Variants in WNK2 observed in about 807,000 individuals in gnomAD.
The protein encoded by WNK2 is WNK lysine deficient protein kinase 2.
A neutral mutation model predicts 192.1 loss-of-function variants in WNK2; 67 were observed. That is an observed-to-expected ratio of 0.35 (90% CI 0.29 to 0.43). The LOEUF is 0.43. Ranked by LOEUF, WNK2 falls within the 20% of genes least tolerant of loss-of-function variation. The pLI is 1.00. For missense variants in WNK2, 2,698 were observed against 3,089.7 expected, an observed-to-expected ratio of 0.87 and a Z score of 3.01; for synonymous variants, 1,439 against 1,393.9, an observed-to-expected ratio of 1.03 and a Z score of -0.72.
chr9:93,232,312 G>A (rs34795796), intron 4 of WNK2, among the ~76,000 whole-genome samples: 24,442 of 152,136 alleles, frequency 0.16, 2,183 homozygotes, highest in East Asian at 0.26. Context: ...GGCATTCTGG[G>A]GGAGCTGAGT....
chr9:93,191,251 T>G (rs917532272), intron 2 of WNK2, among the ~76,000 whole-genome samples: 1 of 152,064 alleles, frequency 6.6e-6, no homozygotes, highest in African/African-American at 2.4e-5. Context: ...GCTTTATTGA[T>G]GGACAGCTAG....
At chr9:93,279,883 A>G (rs986301675) in intron 19 of WNK2, among the ~76,000 whole-genome samples, 7 of 152,206 alleles carry the variant, frequency 4.6e-5, no homozygotes, top group African/African-American at 1.7e-4. Flanking sequence ...TTCATACTGC[A>G]TACTATATAC....
intron 23 of WNK2, among the ~76,000 whole-genome samples, chr9:93,295,501 CAG>C (rs1327091488): frequency 6.6e-6 from 1 of 151,904 alleles, no homozygotes; most frequent in Non-Finnish European, 1.5e-5. Context: ...GGAGTAAAAT[CAG>C]AACTTGCTTC....
intron 11 of WNK2, among the ~76,000 whole-genome samples, chr9:93,258,046 C>G (rs1843594916): frequency 6.6e-6 from 1 of 152,224 alleles, no homozygotes; most frequent in East Asian, 1.9e-4. Context: ...TGTGTTGTCT[C>G]ACCCTGCTCA....
At chr9:93,234,013 A>C (rs1290739545) in intron 4 of WNK2, among the ~76,000 whole-genome samples, 1 of 152,224 alleles carries the variant, frequency 6.6e-6, no homozygotes, top group Non-Finnish European at 1.5e-5. Flanking sequence ...TATAAGTAAA[A>C]TAAAAATCAG....
chr9:93,302,216 GC>G (rs1408125526), intron 26 of WNK2, among the ~76,000 whole-genome samples: 1 of 152,250 alleles, frequency 6.6e-6, no homozygotes, highest in Non-Finnish European at 1.5e-5. Flanking sequence ...GGTGGGCGCA[GC>G]CCTGTGAGCG....
At chr9:93,200,662 C>T (rs1209252298) in intron 2 of WNK2, among the ~76,000 whole-genome samples, 2 of 152,208 alleles carry the variant, frequency 1.3e-5, no homozygotes, top group African/African-American at 4.8e-5. Flanking sequence ...GAGCATGGCC[C>T]TGCTGCTCTT....
At chr9:93,300,356 G>A (rs1025115551) in intron 26 of WNK2, 1 of 530,268 alleles carries the variant, frequency 1.9e-6, no homozygotes, top group Non-Finnish European at 3.4e-6. Context: ...CCCACACAGC[G>A]TGTGTGCATG....
chr9:93,225,636 C>T (rs796568822), intron 2 of WNK2, among the ~76,000 whole-genome samples: 27 of 152,290 alleles, frequency 1.8e-4, no homozygotes, highest in African/African-American at 6.3e-4. Context: ...TCATTTAGAA[C>T]GTGAACATTT....
intron 2 of WNK2, among the ~76,000 whole-genome samples, chr9:93,218,856 G>A (rs746805402): frequency 2.0e-5 from 3 of 152,216 alleles, no homozygotes; most frequent in African/African-American, 7.2e-5. Flanking sequence ...GGGACCCCTT[G>A]CCTGGCTCTC....
intron 14 of WNK2, chr9:93,263,330 G>A (rs1030144376): frequency 5.2e-6 from 3 of 580,694 alleles, no homozygotes; most frequent in East Asian, 2.9e-5. Flanking sequence ...TCAAGGTAAC[G>A]CAGCTAGTAG....
In WNK2 at chr9:93,238,326, G is replaced by C; in HGVS notation, c.1322+5G>C. ...CTGCAAAAACAAGGAGGAAAGGTGA[G>C]TTCCCCTGAAGGGCTGGGTTCTGGG... On this transcript the variant is annotated splice_donor_5th_base_variant and intron_variant, in intron 6 of 29. Transcript: ENST00000427277. 1 of 1,613,544 alleles carries C rather than the reference G, an allele frequency of 6.2e-7. No homozygotes were observed. Among genetic ancestry groups the C allele is most frequent in the Non-Finnish European group, 8.5e-7 (1 of 1,179,476 alleles).
chr9:93,261,683 C>A, intron 12 of WNK2, 131 bp from the exon 13 acceptor site: 1 of 1,063,146 alleles, frequency 9.4e-7, no homozygotes, highest in Non-Finnish European at 1.4e-6. Flanking sequence ...CAGGGACTCC[C>A]CTTGGGGAGG....
rs1166351061 is a variant in WNK2 at position 93,229,400 on chromosome 9, G to C, written c.682-296G>C. On this transcript the variant is annotated intron_variant, in intron 2 of 29. Transcript: ENST00000427277. This position sits in a 1 kb window ranked among gnomAD's most constrained non-coding sequence, Gnocchi z 4.9. The stretch of plus-strand genomic sequence containing the variant: ...TTGTGGAGGAGGCAAAGGCCTCAGA[G>C]GTGTATTTTTGGAAAAAGTGCTCAA... 1.3e-5 allele frequency among the ~76,000 whole-genome samples: 2 copies of C among 152,226 alleles called. No homozygotes were observed. The highest frequency in any genetic ancestry group is 2.4e-5 in the African/African-American group (1 of 41,454).
At chr9:93,250,817 C>T (rs1283557858) in intron 8 of WNK2, among the ~76,000 whole-genome samples, 1 of 142,310 alleles carries the variant, frequency 7.0e-6, no homozygotes, top group Non-Finnish European at 1.5e-5. Flanking sequence ...CGGAGTCTCG[C>T]TCTGTCACCC....
chr9:93,318,405 G>A (rs1185571298), intron 29 of WNK2: 1 of 1,613,970 alleles, frequency 6.2e-7, no homozygotes, highest in African/African-American at 1.3e-5. Flanking sequence ...GGCTCATCCA[G>A]GGGCTGAGAG....
Position 93,268,652 on chromosome 9 carries a change from C to T in WNK2, c.3939C>T (p.Phe1313=). ...TCCTGCACACCGGGAAGAGGTGGTT[C>T]ATCATCTGTCCGGTGGCTGAGCACC... The part of the protein sequence containing the change: ...QNVLHTGKRW[F]IICPVAEHPA... Residue 1313 remains phenylalanine, a synonymous_variant, in exon 19 of 30, where the codon TTC becomes TTT. Transcript: ENST00000427277. The T allele has an allele frequency of 6.2e-7, 1 of 1,613,434 alleles. No homozygotes were observed. The highest frequency in any genetic ancestry group is 1.1e-5 in the South Asian group (1 of 90,884).
At chr9:93,279,240 A>G (rs1322322125) in intron 19 of WNK2, among the ~76,000 whole-genome samples, 1 of 152,266 alleles carries the variant, frequency 6.6e-6, no homozygotes, top group Non-Finnish European at 1.5e-5. Flanking sequence ...CAACACAACT[A>G]GAATCAATAA....
Position 93,297,993 on chromosome 9 carries a change from G to A in WNK2, c.5849G>A (p.Ser1950Asn). Reference protein sequence around the residue: ...APPTGRRRKTSKSKLKAGKLL... With the variant: ...APPTGRRRKTNKSKLKAGKLL... The stretch of plus-strand genomic sequence containing the variant: ...CCCACTGGCCGCCGGAGAAAAACCA[G>A]CAAGAGCAAGCTGAAGGCAGGCAAG... The change falls in exon 24 of 30, where the codon AGC (serine) becomes AAC (asparagine). Residue 1950 changes from serine to asparagine, a missense_variant. Ser to Asn is a conservative substitution (Grantham distance 46, BLOSUM62 1). Transcript: ENST00000427277. 1 of 1,561,118 alleles carries A rather than the reference G, an allele frequency of 6.4e-7. No homozygotes were observed. Among genetic ancestry groups the A allele is most frequent in the Non-Finnish European group, 8.7e-7 (1 of 1,153,546 alleles).
Sources: gnomAD v4.1 joint callset for allele counts (sites outside exome capture counted in the v4.1 genomes callset) on GRCh38, gnomAD v4.1.1 for gene constraint, Gnocchi (gnomAD v3.1) non-coding constraint, MANE v1.5 for transcripts, NCBI Gene and HGNC (gene_info 2026-07-23, HGNC 2026-07-21) for gene names.